The following ATRN variants were observed in gnomAD, a reference collection of about 807,000 sequenced individuals.
ATRN encodes attractin-2.
A neutral mutation model predicts 178.7 loss-of-function variants in ATRN; 54 were observed. The ratio of observed to expected loss-of-function variants is 0.30; its 90% CI spans 0.24 to 0.38. ATRN has a LOEUF of 0.38. ATRN is among the 10% of genes least tolerant of loss of function. The pLI is 1.00. For synonymous variants in ATRN, 636 were observed against 663.0 expected, an observed-to-expected ratio of 0.96 and a Z score of 0.63; for missense variants, 1,443 against 1,815.1, an observed-to-expected ratio of 0.79 and a Z score of 3.73.
intron 6 of ATRN, among the ~76,000 whole-genome samples, chr20:3,554,187 T>G (rs368781928): frequency 3.9e-5 from 6 of 152,248 alleles, no homozygotes; most frequent in Admixed American, 6.5e-5. Flanking sequence ...AACATGATTT[T>G]CTACAGCTTT....
At position 3,623,777 on chromosome 20, in the gene ATRN, T is replaced by C. The variant is rs1244210521; in HGVS notation, c.3802-734T>C. ...CTCGTATTTAATCAATTTGGAGGTA[T>C]GCATTTTTTCGTGGGCTAATATCCC... On this transcript the variant is annotated intron_variant, in intron 24 of 28. Coordinates refer to ENST00000262919, the MANE Select transcript of ATRN (RefSeq NM_139321.3). Among the ~76,000 whole-genome samples the C allele has an allele frequency of 3.9e-5, 6 of 152,228 alleles. 1 individual carries two copies. The South Asian group carries it at 1.2e-3, about 32-fold the overall frequency.
intron 21 of ATRN, among the ~76,000 whole-genome samples, chr20:3,596,760 T>C (rs2086535004): frequency 1.3e-5 from 2 of 152,102 alleles, no homozygotes; most frequent in Non-Finnish European, 2.9e-5. Flanking sequence ...ATATTTCGTG[T>C]TTTAGGATGT....
intron 1 of ATRN, among the ~76,000 whole-genome samples, chr20:3,509,795 C>A (rs746155597): frequency 6.6e-6 from 1 of 152,124 alleles, no homozygotes; most frequent in Non-Finnish European, 1.5e-5. Context: ...TGAGCCACCA[C>A]GCCCAGCCAC....
chr20:3,628,797 A>G (rs1600168756), intron 25 of ATRN: 1 of 741,174 alleles, frequency 1.3e-6, no homozygotes. Context: ...CATGAGCGAG[A>G]CTCTTCCAGC....
At chr20:3,501,847 T>C (rs2084969133) in intron 1 of ATRN, among the ~76,000 whole-genome samples, 1 of 152,134 alleles carries the variant, frequency 6.6e-6, no homozygotes, top group South Asian at 2.1e-4. Flanking sequence ...GGGGACACAG[T>C]TGGATTTCAG....
chr20:3,608,448 A>G (rs2086708860), intron 24 of ATRN, among the ~76,000 whole-genome samples: 1 of 152,166 alleles, frequency 6.6e-6, no homozygotes, highest in Non-Finnish European at 1.5e-5. Flanking sequence ...TCCCAGCACC[A>G]TTTATTGAAG....
intron 1 of ATRN, chr20:3,489,657 G>A: frequency 6.6e-7 from 1 of 1,512,464 alleles, no homozygotes; most frequent in African/African-American, 1.4e-5. Flanking sequence ...TTTGAATTTG[G>A]CCCACAAGGA....
chr20:3,605,451 C>T (rs750703746), intron 24 of ATRN, among the ~76,000 whole-genome samples: 1 of 152,162 alleles, frequency 6.6e-6, no homozygotes, highest in Non-Finnish European at 1.5e-5. Flanking sequence ...AAGATACATG[C>T]ACATGTATGT....
At chr20:3,641,453 T>G (rs1012628461) in intron 27 of ATRN, among the ~76,000 whole-genome samples, 2 of 151,790 alleles carry the variant, frequency 1.3e-5, no homozygotes, top group Admixed American at 1.3e-4. Flanking sequence ...TAGCCAGGCA[T>G]GATGGCACAC....
intron 1 of ATRN, among the ~76,000 whole-genome samples, chr20:3,492,498 A>G (rs2146090733): frequency 6.6e-6 from 1 of 152,190 alleles, no homozygotes; most frequent in South Asian, 2.1e-4. Context: ...GAAGCTGCTG[A>G]AGGTAGCCAG....
rs1358548287 is a variant in ATRN at position 3,650,580 on chromosome 20, T to C, written c.*3733T>C. The stretch of plus-strand genomic sequence containing the variant: ...TGGCTCCAGCCATTGCGGTGGTTTC[T>C]AGATAGCCAGGCCCACCAAGAGATA... On this transcript the variant is annotated 3_prime_UTR_variant, in exon 29 of 29. Coordinates refer to ENST00000262919, the MANE Select transcript of ATRN (RefSeq NM_139321.3). 3 of 152,278 alleles carry C rather than the reference T, an allele frequency of 2.0e-5. No individual in the cohort carries two copies. Among genetic ancestry groups the C allele is most frequent in the Non-Finnish European group, 4.4e-5 (3 of 68,030 alleles). 9.4% of individuals were successfully genotyped at this position (152,278 alleles called of 1,614,324 possible). A position where few individuals can be genotyped will look rare whatever the true frequency, so the allele number is the denominator to read the frequency against.
intron 1 of ATRN, among the ~76,000 whole-genome samples, chr20:3,505,385 T>C (rs79568993): frequency 0.011 from 1,705 of 152,208 alleles, 36 homozygotes; most frequent in African/African-American, 0.039. Flanking sequence ...TTCTCAGGCT[T>C]TGGGCTTGTC....
At position 3,525,904 on chromosome 20, in the gene ATRN, G is replaced by GATA. The variant is rs2085357819; in HGVS notation, c.411-9344_411-9342dup. 4.6e-5 allele frequency among the ~76,000 whole-genome samples: 7 copies of GATA among 152,186 alleles called. No homozygotes were observed. The South Asian group carries it at 1.5e-3, about 32-fold the overall frequency. On this transcript the variant is annotated intron_variant, in intron 1 of 28. Transcript: ENST00000262919. ...TAGGTATTGGTGGAACTTATCTCAA[G>GATA]ATAATAAGAGCTATGTATGACAGAC...
intron 19 of ATRN, among the ~76,000 whole-genome samples, chr20:3,594,239 A>C (rs2086491548): frequency 6.6e-6 from 1 of 152,244 alleles, no homozygotes; most frequent in Admixed American, 6.5e-5. Context: ...TCATTGCTTC[A>C]GAAGGCAGTG....
intron 1 of ATRN, among the ~76,000 whole-genome samples, chr20:3,521,154 G>A (rs895535002): frequency 4.6e-5 from 7 of 152,130 alleles, no homozygotes; most frequent in African/African-American, 1.2e-4. Context: ...GGTACTATGC[G>A]TACACACAGG....
rs761680345 is a variant in ATRN at position 3,604,187 on chromosome 20, G to A, written c.3726G>A (p.Lys1242=). ...ACAAAGATAGTTTCTCTAATGAGAA[G>A]TTTGATTTTCGCAACCACCCAAATA... The part of the protein sequence containing the change: ...KEYKDSFSNE[K]FDFRNHPNIT... Residue 1242 remains lysine, a synonymous_variant, in exon 24 of 29, where the codon AAG becomes AAA. Coordinates refer to ENST00000262919, the MANE Select transcript of ATRN (RefSeq NM_139321.3). 3.1e-6 allele frequency: 5 copies of A among 1,613,202 alleles called. No individual in the cohort carries two copies. Among genetic ancestry groups the A allele is most frequent in the South Asian group, 1.1e-5 (1 of 90,832 alleles).
chr20:3,534,431 A>G (rs2085495531), intron 1 of ATRN, among the ~76,000 whole-genome samples: 1 of 151,992 alleles, frequency 6.6e-6, no homozygotes, highest in Non-Finnish European at 1.5e-5. Flanking sequence ...AGAAATGGAG[A>G]GACTGGATTT....
intron 26 of ATRN, among the ~76,000 whole-genome samples, chr20:3,636,343 CA>C (rs888015434): frequency 6.6e-6 from 1 of 151,960 alleles, no homozygotes; most frequent in Non-Finnish European, 1.5e-5. Flanking sequence ...TATATCATGT[CA>C]AAAAAAGAAT....
intron 19 of ATRN, among the ~76,000 whole-genome samples, chr20:3,593,443 G>A (rs78766012): frequency 0.038 from 5,805 of 152,244 alleles, 145 homozygotes; most frequent in Non-Finnish European, 0.056. Flanking sequence ...GATAGGTACT[G>A]TTGTTATCCC....
Sources: gnomAD v4.1 joint callset for allele counts (sites outside exome capture counted in the v4.1 genomes callset) on GRCh38, gnomAD v4.1.1 for gene constraint, MANE v1.5 for transcripts, NCBI Gene and HGNC (gene_info 2026-07-23, HGNC 2026-07-21) for gene names.